Variants in ANKS1B observed in about 807,000 individuals in gnomAD.
ANKS1B encodes ankyrin repeat and sterile alpha motif domain-containing protein 1B.
A neutral mutation model predicts 148.3 loss-of-function variants in ANKS1B; 36 were observed. That is an observed-to-expected ratio of 0.24 (90% CI 0.19 to 0.32). The LOEUF (loss-of-function observed/expected upper bound fraction) is 0.32. Ranked by LOEUF, ANKS1B falls within the 10% of genes least tolerant of loss-of-function variation. The pLI is 1.00. For missense variants in ANKS1B, 1,157 were observed against 1,542.6 expected (o/e 0.75, Z 4.19); for synonymous variants, 542 against 560.8 (o/e 0.97, Z 0.47).
chr12:99,797,566 CA>C (rs2066403756), intron 4 of ANKS1B, among the ~76,000 whole-genome samples: 1 of 151,434 alleles, frequency 6.6e-6, no homozygotes, highest in South Asian at 2.1e-4. Context: ...ACAAAATTTC[CA>C]AAATCGATAA....
intron 20 of ANKS1B, among the ~76,000 whole-genome samples, chr12:98,804,937 A>G (rs2099038553): frequency 6.6e-6 from 1 of 152,190 alleles, no homozygotes; most frequent in African/African-American, 2.4e-5. Context: ...TTGCCACAAT[A>G]ATGGTTTATA....
At chr12:99,212,961 C>T (rs926854954) in intron 14 of ANKS1B, among the ~76,000 whole-genome samples, 2 of 152,160 alleles carry the variant, frequency 1.3e-5, no homozygotes, top group Non-Finnish European at 2.9e-5. Context: ...GGTCCTTTCC[C>T]AGAGTTGAAT....
chr12:99,720,833 CTT>C (rs1323534681), intron 8 of ANKS1B, among the ~76,000 whole-genome samples: 1 of 152,204 alleles, frequency 6.6e-6, no homozygotes, highest in Non-Finnish European at 1.5e-5. Flanking sequence ...ATGCCCTGCT[CTT>C]GTTTACACTG....
At chr12:98,993,629 C>G (rs900834430) in intron 17 of ANKS1B, among the ~76,000 whole-genome samples, 8 of 152,188 alleles carry the variant, frequency 5.3e-5, no homozygotes, top group Non-Finnish European at 2.9e-5. Context: ...CAAATGAACA[C>G]AAGCGGCTTT....
intron 10 of ANKS1B, among the ~76,000 whole-genome samples, chr12:99,490,386 A>G (rs1595790236): frequency 1.3e-5 from 2 of 152,384 alleles, no homozygotes; most frequent in South Asian, 2.1e-4. Context: ...CACAACTGCA[A>G]TATGACATCT....
chr12:98,791,172 C>T (rs907777554), intron 22 of ANKS1B, among the ~76,000 whole-genome samples: 2 of 152,084 alleles, frequency 1.3e-5, no homozygotes, highest in Non-Finnish European at 2.9e-5. Context: ...TGGTGAAACC[C>T]TGTCTCTACT....
intron 12 of ANKS1B, among the ~76,000 whole-genome samples, chr12:99,370,039 T>C (rs4385983): frequency 0.45 from 68,121 of 151,902 alleles, 17,614 homozygotes; most frequent in African/African-American, 0.71. Flanking sequence ...TGAGATACGA[T>C]AGAACATAAA....
chr12:99,118,078 T>C (rs570640743), intron 15 of ANKS1B, among the ~76,000 whole-genome samples: 6 of 152,328 alleles, frequency 3.9e-5, no homozygotes, highest in African/African-American at 1.4e-4. Flanking sequence ...CAAAAGATTT[T>C]TCAATAAAAA....
chr12:99,978,182 T>C (rs770772180), intron 1 of ANKS1B, among the ~76,000 whole-genome samples: 4 of 152,218 alleles, frequency 2.6e-5, no homozygotes, highest in Admixed American at 6.5e-5. Flanking sequence ...CTAATAAATA[T>C]TATATGCTTC....
intron 24 of ANKS1B, among the ~76,000 whole-genome samples, chr12:98,773,523 C>T (rs1438203924): frequency 7.9e-5 from 12 of 152,104 alleles, no homozygotes; most frequent in African/African-American, 2.2e-4. Context: ...GGTGCAATCT[C>T]GGCTCACTGC....
intron 9 of ANKS1B, among the ~76,000 whole-genome samples, chr12:99,605,479 T>C (rs76436330): frequency 0.024 from 3,680 of 152,092 alleles, 182 homozygotes; most frequent in African/African-American, 0.083. Flanking sequence ...TCTCCTCATT[T>C]TCCTCTCCCC....
intron 17 of ANKS1B, among the ~76,000 whole-genome samples, chr12:98,861,539 G>A (rs2099599301): frequency 6.6e-6 from 1 of 152,156 alleles, no homozygotes; most frequent in Non-Finnish European, 1.5e-5. Flanking sequence ...CTGGAATGGA[G>A]GAGTTAATGT....
At chr12:99,590,258 C>CACA (rs1567422900) in intron 9 of ANKS1B, among the ~76,000 whole-genome samples, 12,957 of 132,792 alleles carry the variant, frequency 0.098, 680 homozygotes, top group Middle Eastern at 0.16. Flanking sequence ...CCACACCCAC[C>CACA]CACACACACA....
chr12:99,133,924 C>T (rs78483329), intron 15 of ANKS1B, among the ~76,000 whole-genome samples: 6,182 of 152,218 alleles, frequency 0.041, 422 homozygotes, highest in African/African-American at 0.14. Flanking sequence ...ATGTTGTTAC[C>T]GTGACGGTTT....
chr12:99,668,145 T>C (rs2098518619), intron 8 of ANKS1B, among the ~76,000 whole-genome samples: 1 of 152,180 alleles, frequency 6.6e-6, no homozygotes, highest in African/African-American at 2.4e-5. Flanking sequence ...AATTTCATTA[T>C]GATTTAAGCT....
chr12:99,647,332 T>C (rs1461672088), intron 9 of ANKS1B, among the ~76,000 whole-genome samples: 2 of 152,318 alleles, frequency 1.3e-5, no homozygotes, highest in East Asian at 1.9e-4. Context: ...CAATCCCCTA[T>C]TGTAAGACAC....
At chr12:99,202,078 GCTT>G (rs2082134947) in intron 14 of ANKS1B, among the ~76,000 whole-genome samples, 1 of 152,106 alleles carries the variant, frequency 6.6e-6, no homozygotes, top group African/African-American at 2.4e-5. Flanking sequence ...GAGTACATTG[GCTT>G]CTTCTAATTC....
intron 25 of ANKS1B, among the ~76,000 whole-genome samples, chr12:98,772,531 G>A (rs1202737125): frequency 6.6e-5 from 10 of 152,176 alleles, no homozygotes; most frequent in African/African-American, 1.7e-4. Context: ...GCAAAGCCAT[G>A]TCTTACATGG....
intron 12 of ANKS1B, among the ~76,000 whole-genome samples, chr12:99,375,438 T>C (rs979796690): frequency 1.3e-5 from 2 of 152,212 alleles, no homozygotes; most frequent in African/African-American, 4.8e-5. Flanking sequence ...AGTTACTATT[T>C]TCCTTGTCTG....
Sources: gnomAD v4.1 joint callset for allele counts (sites outside exome capture counted in the v4.1 genomes callset) on GRCh38, gnomAD v4.1.1 for gene constraint, MANE v1.5 for transcripts, NCBI Gene and HGNC (gene_info 2026-07-23, HGNC 2026-07-21) for gene names.